ARHGAP8: variants seen among roughly 807,000 people sequenced by gnomAD.
ARHGAP8 encodes rho GTPase-activating protein 8.
In ARHGAP8, 62 loss-of-function variants were observed where a neutral mutation model predicts 46.1. That is an observed-to-expected ratio of 1.34 (90% CI 1.10 to 1.66). The LOEUF (loss-of-function observed/expected upper bound fraction) is 1.66. Among genes scored for constraint, ARHGAP8 ranks in the 40% most tolerant of loss-of-function variants. ARHGAP8 has a pLI of 0.00. For synonymous variants in ARHGAP8, 375 were observed against 243.1 expected (o/e 1.54, Z -5.05); for missense variants, 923 against 568.4 (o/e 1.62, Z -6.34).
In ARHGAP8 at chr22:44,862,452, C is replaced by G. The variant is rs756233338; in HGVS notation, c.1159C>G (p.Pro387Ala). Residue 387 changes from proline to alanine, a missense_variant, in exon 12 of 12, where the codon CCT becomes GCT. Pro to Ala is a conservative substitution (Grantham distance 27). Transcript: ENST00000356099. Reference protein sequence around the residue: ...YEKIFSTPEAPGEHGLAPWEQ... With the variant: ...YEKIFSTPEAAGEHGLAPWEQ... ...AAAGATCTTCAGCACCCCGGAGGCA[C>G]CTGGGGAGCACGGCCTGGCACCATG... The G allele has an allele frequency of 1.9e-6, 3 of 1,613,966 alleles. No individual in the cohort carries two copies. The highest frequency in any genetic ancestry group is 3.3e-5 in the Admixed American group (2 of 60,002).
chr22:44,825,472 T>C lies in ARHGAP8; in HGVS notation c.486-11T>C. The stretch of plus-strand genomic sequence containing the variant: ...TGCCAGGTGAGATCCCAGCCTCTGT[T>C]GTGTCTACAGGTACGATGAGAAGCT... On this transcript the variant is annotated splice_polypyrimidine_tract_variant and intron_variant, in intron 6 of 11. Coordinates refer to ENST00000356099, the MANE Select transcript of ARHGAP8 (RefSeq NM_181335.3). The C allele has an allele frequency of 1.2e-6, 2 of 1,608,716 alleles. No individual in the cohort carries two copies. The highest frequency in any genetic ancestry group is 1.7e-6 in the Non-Finnish European group (2 of 1,176,746).
At chr22:44,851,082 C>G (rs558543081) in intron 10 of ARHGAP8, 8 of 151,338 alleles carry the variant, frequency 5.3e-5, no homozygotes, top group African/African-American at 1.5e-4. Context: ...GAAATGAAAA[C>G]ATTCAAAGTG....
At chr22:44,828,425 ATTTTTTTTTTTT>A (rs535537198) in intron 7 of ARHGAP8, among the ~76,000 whole-genome samples, 2 of 118,284 alleles carry the variant, frequency 1.7e-5, no homozygotes, top group Admixed American at 8.6e-5. Context: ...GCAGACCAGA[ATTTTTTTTTTTT>A]TTTTTTTTTT....
At chr22:44,816,803 CA>C (rs1183457228) in intron 5 of ARHGAP8, among the ~76,000 whole-genome samples, 2,273 of 66,222 alleles carry the variant, frequency 0.034, 55 homozygotes, top group African/African-American at 0.11. Context: ...GACCCTGTCT[CA>C]AAAAAAAAAA....
At chr22:44,782,217 G>C (rs530265276) in intron 1 of ARHGAP8, among the ~76,000 whole-genome samples, 2 of 152,230 alleles carry the variant, frequency 1.3e-5, no homozygotes, top group South Asian at 4.1e-4. Context: ...CATGCCTGTA[G>C]TCCCAGGTAC....
chr22:44,815,728 G>A (rs1237521787), intron 5 of ARHGAP8, among the ~76,000 whole-genome samples: 2 of 152,182 alleles, frequency 1.3e-5, no homozygotes, highest in South Asian at 2.1e-4. Context: ...GTATTGGGAA[G>A]CAAGAGCTCA....
At chr22:44,794,022 C>T (rs1011148764) in intron 2 of ARHGAP8, among the ~76,000 whole-genome samples, 3 of 152,222 alleles carry the variant, frequency 2.0e-5, no homozygotes, top group African/African-American at 7.2e-5. Flanking sequence ...GGGGCATGCG[C>T]AGGGCAGAGG....
chr22:44,793,693 C>T (rs1461745148), intron 2 of ARHGAP8, among the ~76,000 whole-genome samples: 1 of 152,156 alleles, frequency 6.6e-6, no homozygotes, highest in East Asian at 1.9e-4. Context: ...CCAGGCTTCT[C>T]CTATTGCAGA....
chr22:44,785,512 G>T (rs1186760388), intron 1 of ARHGAP8, among the ~76,000 whole-genome samples: 1 of 152,084 alleles, frequency 6.6e-6, no homozygotes, highest in Non-Finnish European at 1.5e-5. Flanking sequence ...TGTATCTCCT[G>T]AGTCATTGGA....
intron 8 of ARHGAP8, among the ~76,000 whole-genome samples, chr22:44,846,514 T>C (rs1326023057): frequency 1.3e-5 from 2 of 152,140 alleles, no homozygotes; most frequent in African/African-American, 4.8e-5. Flanking sequence ...CCCCAGCATT[T>C]CCCTCAGTCA....
In ARHGAP8 at chr22:44,802,073, C is replaced by T. The variant is rs755422184; in HGVS notation, c.80-4C>T. On this transcript the variant is annotated splice_region_variant and splice_polypyrimidine_tract_variant and intron_variant, in intron 2 of 11. Coordinates refer to ENST00000356099, the MANE Select transcript of ARHGAP8 (RefSeq NM_181335.3). Reference sequence around the variant, plus strand: ...CAGAGGCTCACCTGTGTCTGCTCCTCCAGGGGATGACCGCTTTGGAAGACG... The same window carrying T: ...CAGAGGCTCACCTGTGTCTGCTCCTTCAGGGGATGACCGCTTTGGAAGACG... The T allele has an allele frequency of 1.2e-6, 2 of 1,614,112 alleles. No individual in the cohort carries two copies. Among genetic ancestry groups the T allele is most frequent in the Admixed American group, 1.7e-5 (1 of 60,016 alleles).
intron 3 of ARHGAP8, among the ~76,000 whole-genome samples, chr22:44,802,467 C>T (rs995444608): frequency 6.6e-6 from 1 of 152,194 alleles, no homozygotes; most frequent in Non-Finnish European, 1.5e-5. Flanking sequence ...TAGGTGTAGG[C>T]GAACCTTGCA....
At chr22:44,812,551 T>G (rs1183723883) in intron 4 of ARHGAP8, among the ~76,000 whole-genome samples, 2 of 151,956 alleles carry the variant, frequency 1.3e-5, no homozygotes, top group Admixed American at 1.3e-4. Context: ...GAGACGGGTT[T>G]TCACCATGTT....
At chr22:44,852,191 A>G (rs2070111859) in intron 10 of ARHGAP8, among the ~76,000 whole-genome samples, 1 of 5,470 alleles carries the variant, frequency 1.8e-4, no homozygotes, top group Admixed American at 3.1e-3. Context: ...GACTTTGTCA[A>G]AAAAAAAAAA....
At chr22:44,820,406 C>A (rs1461302037) in intron 5 of ARHGAP8, among the ~76,000 whole-genome samples, 2 of 152,300 alleles carry the variant, frequency 1.3e-5, no homozygotes, top group Non-Finnish European at 2.9e-5. Context: ...GGCAAGACTC[C>A]CTTTGCCCTT....
At chr22:44,843,991 G>C (rs1222411484) in intron 7 of ARHGAP8, among the ~76,000 whole-genome samples, 2 of 152,112 alleles carry the variant, frequency 1.3e-5, no homozygotes, top group African/African-American at 4.8e-5. Flanking sequence ...GAGGGAGAGA[G>C]TTGAAGTCTT....
rs117972570 is a variant in ARHGAP8, at chr22:44,784,783, G to A, written c.-71-1674G>A. Among the ~76,000 whole-genome samples the A allele has an allele frequency of 2.6e-3, 395 of 152,340 alleles. 5 individuals are homozygous for A. In the East Asian group the frequency reaches 0.046, roughly 18 times the overall value. On this transcript the variant is annotated intron_variant, in intron 1 of 11. Transcript: ENST00000356099. ...TCACTGGGAGGCCTCTGTTCTGCCCGACGCAGGGGCTTTGCCTGTGTGGCT... is the reference window on the plus strand; with the variant it reads ...TCACTGGGAGGCCTCTGTTCTGCCCAACGCAGGGGCTTTGCCTGTGTGGCT...
intron 5 of ARHGAP8, among the ~76,000 whole-genome samples, chr22:44,821,035 A>G (rs773251651): frequency 1.3e-5 from 2 of 152,230 alleles, no homozygotes; most frequent in Non-Finnish European, 2.9e-5. Flanking sequence ...TACTTATTTC[A>G]AGACTTTCAA....
intron 1 of ARHGAP8, among the ~76,000 whole-genome samples, chr22:44,755,096 C>A (rs562969955): frequency 3.9e-5 from 6 of 152,360 alleles, no homozygotes; most frequent in Admixed American, 3.3e-4. Context: ...GGCTGCCTGA[C>A]TCCTTGCTCA....
Sources: gnomAD v4.1 joint callset for allele counts (sites outside exome capture counted in the v4.1 genomes callset) on GRCh38, gnomAD v4.1.1 for gene constraint, MANE v1.5 for transcripts, NCBI Gene and HGNC (gene_info 2026-07-23, HGNC 2026-07-21) for gene names.